The following FABP7 variants were observed in gnomAD, a reference collection of about 807,000 sequenced individuals.
FABP7 encodes fatty acid-binding protein, brain.
FABP7 carries 13 observed loss-of-function variants against 14.2 expected under a neutral mutation model. The observed-to-expected ratio is 0.91, with a 90% CI of 0.59 to 1.45. The LOEUF is 1.45. Ranked by LOEUF, FABP7 falls within the 40% of genes most tolerant of loss-of-function variation. The pLI is 0.00. For missense variants in FABP7, 149 were observed against 157.6 expected (o/e 0.95, Z 0.29); for synonymous variants, 49 against 51.4 (o/e 0.95, Z 0.20).
chr6:122,765,291 A>T, the FABP7 span, among the ~76,000 whole-genome samples: 1 of 152,120 alleles, frequency 6.6e-6, no homozygotes, highest in Admixed American at 6.6e-5. Flanking sequence ...TTGATTCAAA[A>T]TACTGCTAGA....
At chr6:122,751,744 T>C in the FABP7 span, among the ~76,000 whole-genome samples, 1 of 152,160 alleles carries the variant, frequency 6.6e-6, no homozygotes, top group Non-Finnish European at 1.5e-5. Flanking sequence ...TCCTTCCAAA[T>C]TTAAGAAGGA....
At chr6:122,762,828 T>G in the FABP7 span, among the ~76,000 whole-genome samples, 1 of 152,112 alleles carries the variant, frequency 6.6e-6, no homozygotes, top group Non-Finnish European at 1.5e-5. Flanking sequence ...GGAATCCAAC[T>G]TAAAAGGGAT....
At chr6:122,768,370 T>C in the FABP7 span, among the ~76,000 whole-genome samples, 1 of 152,100 alleles carries the variant, frequency 6.6e-6, no homozygotes, top group African/African-American at 2.4e-5. Flanking sequence ...CAAAATAAAC[T>C]ATTGCACATG....
chr6:122,764,487 T>G, the FABP7 span, among the ~76,000 whole-genome samples: 2 of 151,964 alleles, frequency 1.3e-5, no homozygotes, highest in African/African-American at 4.8e-5. Context: ...TGTATACATA[T>G]GTAACAAACC....
chr6:122,778,776 T>C (rs1780715333), upstream of FABP7, among the ~76,000 whole-genome samples: 1 of 152,188 alleles, frequency 6.6e-6, no homozygotes, highest in South Asian at 2.1e-4. Context: ...CCCTTCCCCA[T>C]CACTAACTCC....
the FABP7 span, among the ~76,000 whole-genome samples, chr6:122,753,216 T>C: frequency 6.6e-6 from 1 of 152,200 alleles, no homozygotes; most frequent in Non-Finnish European, 1.5e-5. Context: ...TGTATTGCTG[T>C]GCCTTTGTAG....
the FABP7 span, among the ~76,000 whole-genome samples, chr6:122,768,584 T>C: frequency 3.9e-5 from 6 of 152,186 alleles, no homozygotes; most frequent in Non-Finnish European, 8.8e-5. Flanking sequence ...TTCAAAGTCC[T>C]AGGCTTTGTT....
chr6:122,762,736 A>G, the FABP7 span, among the ~76,000 whole-genome samples: 1 of 152,228 alleles, frequency 6.6e-6, no homozygotes, highest in African/African-American at 2.4e-5. Context: ...AAGCATTTCT[A>G]TACACAAATA....
chr6:122,761,121 G>A, the FABP7 span, among the ~76,000 whole-genome samples: 118,226 of 152,052 alleles, frequency 0.78, 48,654 homozygotes, highest in Non-Finnish European at 0.9. Flanking sequence ...GAATTGTTTC[G>A]TTTGCTTTGA....
chr6:122,756,986 T>C, the FABP7 span, among the ~76,000 whole-genome samples: 2 of 152,220 alleles, frequency 1.3e-5, no homozygotes. Context: ...TTTGAATCAC[T>C]TCTTTGCACT....
chr6:122,781,961 C>T, intron 3 of FABP7: 1 of 646,414 alleles, frequency 1.5e-6, no homozygotes, highest in Non-Finnish European at 1.9e-6. Context: ...CCAGGCTGGC[C>T]TACAGCTCTT....
chr6:122,761,632 GT>G, the FABP7 span, among the ~76,000 whole-genome samples: 1 of 151,964 alleles, frequency 6.6e-6, no homozygotes, highest in African/African-American at 2.4e-5. Context: ...CTTCATTTTG[GT>G]TTTGTTTTAA....
chr6:122,781,740 C>CCTTTTTT (rs1207410795), intron 3 of FABP7: 10 of 741,132 alleles, frequency 1.3e-5, no homozygotes, highest in Non-Finnish European at 1.3e-5. Context: ...AGTGATAACC[C>CCTTTTTT]TTTTTTTTTT....
the FABP7 span, among the ~76,000 whole-genome samples, chr6:122,770,464 C>T: frequency 6.6e-6 from 1 of 152,064 alleles, no homozygotes; most frequent in African/African-American, 2.4e-5. Flanking sequence ...GTAGTAGCAT[C>T]AGTGGTCTTG....
chr6:122,756,078 C>G, the FABP7 span, among the ~76,000 whole-genome samples: 4 of 152,284 alleles, frequency 2.6e-5, no homozygotes, highest in South Asian at 8.3e-4. Context: ...GCGCTCCCCC[C>G]TTTCCCCTCC....
At chr6:122,756,078 C>T in the FABP7 span, among the ~76,000 whole-genome samples, 13 of 152,166 alleles carry the variant, frequency 8.5e-5, no homozygotes, top group Non-Finnish European at 2.9e-5. Context: ...GCGCTCCCCC[C>T]TTTCCCCTCC....
At chr6:122,782,797 G>T (rs775253126) in intron 3 of FABP7, 1 of 951,016 alleles carries the variant, frequency 1.1e-6, no homozygotes, top group Non-Finnish European at 1.2e-6. Flanking sequence ...CTGTGGAGAT[G>T]GAGGTGGGGA....
At chr6:122,763,784 G>A in the FABP7 span, among the ~76,000 whole-genome samples, 2 of 152,236 alleles carry the variant, frequency 1.3e-5, no homozygotes, top group East Asian at 3.9e-4. Context: ...ACAGACAAAT[G>A]AAAAAATGCT....
At chr6:122,777,743 G>C (rs2115140015), upstream of FABP7, among the ~76,000 whole-genome samples, 1 of 152,126 alleles carries the variant, frequency 6.6e-6, no homozygotes, top group African/African-American at 2.4e-5. Context: ...CAACTACTCA[G>C]AGGGCTGATG....
Sources: allele counts gnomAD v4.1 joint callset (sites outside exome capture counted in the v4.1 genomes callset), GRCh38; gene constraint gnomAD v4.1.1; transcripts MANE v1.5; gene names NCBI Gene and HGNC (gene_info 2026-07-23, HGNC 2026-07-21).